WDR33: variants seen among roughly 807,000 people sequenced by gnomAD.
WDR33 encodes the protein WD repeat domain 33, also known as pre-mRNA 3' end processing protein WDR33.
In WDR33, 47 loss-of-function variants were observed where a neutral mutation model predicts 164.9. The ratio of observed to expected loss-of-function variants is 0.29; its 90% CI spans 0.23 to 0.36. The LOEUF is 0.36. WDR33 is among the 10% of genes least tolerant of loss of function. The pLI is 1.00. For synonymous variants in WDR33, 505 were observed against 589.0 expected (o/e 0.86, Z 2.06); for missense variants, 1,137 against 1,754.1 (o/e 0.65, Z 6.28).
intron 1 of WDR33, among the ~76,000 whole-genome samples, chr2:127,784,826 C>T (rs752226754): frequency 1.3e-5 from 2 of 152,158 alleles, no homozygotes; most frequent in Non-Finnish European, 2.9e-5. Flanking sequence ...CAGAGAATTA[C>T]GTATATCATC....
intron 3 of WDR33, 37 bp from the exon 4 acceptor site, chr2:127,768,330 A>G (rs1687885457): frequency 2.3e-6 from 3 of 1,319,162 alleles, no homozygotes; most frequent in South Asian, 1.5e-5. Context: ...AGAGCTCCTG[A>G]TTACATACAA....
rs1685943805 is a variant in WDR33, at chr2:127,703,583, G to C, written c.*2740C>G. 4 of 167,066 alleles carry C rather than the reference G, an allele frequency of 2.4e-5. No individual in the cohort carries two copies. The highest frequency in any genetic ancestry group is 9.7e-5 in the African/African-American group (4 of 41,442). The allele number at this position is 167,066 out of a possible 1,614,324, so 10.3% of individuals were successfully genotyped here. On this transcript the variant is annotated 3_prime_UTR_variant, in exon 22 of 22. Transcript: ENST00000322313. ...GCTACCCGCCCTGAGATTTGGTAAA[G>C]AACACTGCCTTGTTCCCCATCAGTA...
intron 7 of WDR33, among the ~76,000 whole-genome samples, chr2:127,761,619 A>G (rs1431633758): frequency 6.6e-6 from 1 of 152,232 alleles, no homozygotes; most frequent in African/African-American, 2.4e-5. Context: ...TAGTGAGGAA[A>G]GATTCAACAT....
At chr2:127,733,218 T>C (rs1476520095) in intron 7 of WDR33, among the ~76,000 whole-genome samples, 1 of 152,086 alleles carries the variant, frequency 6.6e-6, no homozygotes. Flanking sequence ...AAAAGGAAGA[T>C]AAAATTCCGA....
chr2:127,748,622 C>T (rs1353126242), intron 7 of WDR33, among the ~76,000 whole-genome samples: 2 of 152,120 alleles, frequency 1.3e-5, no homozygotes, highest in Non-Finnish European at 2.9e-5. Flanking sequence ...AATCAAGGAT[C>T]ATTTCAATTG....
intron 7 of WDR33, among the ~76,000 whole-genome samples, chr2:127,758,496 T>C (rs1321332080): frequency 2.6e-5 from 4 of 152,140 alleles, no homozygotes; most frequent in Non-Finnish European, 5.9e-5. Flanking sequence ...CTGGGAAGAT[T>C]AAATAAAGTA....
chr2:127,805,803 CT>C (rs1689416526), intron 1 of WDR33, among the ~76,000 whole-genome samples: 1 of 152,188 alleles, frequency 6.6e-6, no homozygotes, highest in African/African-American at 2.4e-5. Context: ...AAGCTGTGCC[CT>C]GTGCCTGAAG....
intron 7 of WDR33, among the ~76,000 whole-genome samples, chr2:127,758,684 C>T (rs1687589103): frequency 6.6e-6 from 1 of 152,136 alleles, no homozygotes; most frequent in Non-Finnish European, 1.5e-5. Flanking sequence ...TGATGTCTCT[C>T]AGTAAAATTT....
rs1232323669 is a variant in WDR33 at position 127,708,998 on chromosome 2, A to G, written c.3566-106T>C. 4.0e-6 allele frequency: 5 copies of G among 1,238,334 alleles called. No individual in the cohort carries two copies. The African/African-American group carries it at 6.1e-5, about 15-fold the overall frequency. 76.7% of individuals were successfully genotyped at this position (1,238,334 alleles called of 1,614,324 possible). ...GCAACTCGAGAGCCACCGTTCACTC[A>G]TGCTGAATGCCCGCCAGAGGCCAAA... On this transcript the variant is annotated intron_variant, in intron 20 of 21. Coordinates refer to ENST00000322313, the MANE Select transcript of WDR33 (RefSeq NM_018383.5). The surrounding 1 kb of genome is among the most constrained non-coding windows in gnomAD (Gnocchi z 6.7).
rs1687000500 is a variant in WDR33 at position 127,741,061 on chromosome 2, G to A, written c.725-14284C>T. Among the ~76,000 whole-genome samples, 1 of 152,186 alleles carries A rather than the reference G, an allele frequency of 6.6e-6. No individual in the cohort carries two copies. Among genetic ancestry groups the A allele is most frequent in the Non-Finnish European group, 1.5e-5 (1 of 68,010 alleles). On this transcript the variant is annotated intron_variant, in intron 7 of 21. Transcript: ENST00000322313. The surrounding 1 kb of genome is among the most constrained non-coding windows in gnomAD (Gnocchi z 4.1). ...AAGGCTCAGTGACAAAGGCTGTGATGAAGTAATGAGGGTAATTATAGGGAG... is the reference window on the plus strand; with the variant it reads ...AAGGCTCAGTGACAAAGGCTGTGATAAAGTAATGAGGGTAATTATAGGGAG...
intron 7 of WDR33, among the ~76,000 whole-genome samples, chr2:127,753,795 A>G (rs556660166): frequency 6.6e-6 from 1 of 152,360 alleles, no homozygotes; most frequent in South Asian, 2.1e-4. Context: ...AATCAACGAA[A>G]GGTAATTAAG....
chr2:127,781,500 T>C (rs1450330534), intron 1 of WDR33, among the ~76,000 whole-genome samples: 3 of 152,140 alleles, frequency 2.0e-5, no homozygotes, highest in African/African-American at 7.2e-5. Flanking sequence ...GCAGACCATA[T>C]CACTATCAAT....
At chr2:127,779,207 C>A (rs1373966825) in intron 1 of WDR33, among the ~76,000 whole-genome samples, 1 of 151,244 alleles carries the variant, frequency 6.6e-6, no homozygotes, top group Non-Finnish European at 1.5e-5. Flanking sequence ...GTGGCTCATG[C>A]CTGTAATCCT....
At chr2:127,747,593 C>T (rs923542505) in intron 7 of WDR33, among the ~76,000 whole-genome samples, 2 of 152,138 alleles carry the variant, frequency 1.3e-5, no homozygotes, top group African/African-American at 2.4e-5. Flanking sequence ...AAATTCTATA[C>T]GCCAGTGGCA....
In WDR33 at chr2:127,763,296, A is replaced by T; in HGVS notation, c.627-137T>A. 6.8e-7 allele frequency: 1 copy of T among 1,477,424 alleles called. No homozygotes were observed. The highest frequency in any genetic ancestry group is 9.0e-7 in the Non-Finnish European group (1 of 1,114,576). The allele number at this position is 1,477,424 out of a possible 1,614,324, so 91.5% of individuals were successfully genotyped here. ...GAAGAATCCAGTGAAGAAGCCCTTA[A>T]AGTGAATGTCGTCAGCTAACATAGG... On this transcript the variant is annotated intron_variant, in intron 6 of 21. Transcript: ENST00000322313. The surrounding 1 kb of genome is among the most constrained non-coding windows in gnomAD (Gnocchi z 4.5).
chr2:127,721,561 C>T lies in WDR33; in HGVS notation c.1671+275G>A, dbSNP rs369244661. Among the ~76,000 whole-genome samples the T allele has an allele frequency of 6.6e-6, 1 of 152,198 alleles. No individual in the cohort carries two copies. The highest frequency in any genetic ancestry group is 1.9e-4 in the East Asian group (1 of 5,174). On this transcript the variant is annotated intron_variant, in intron 15 of 21. Transcript: ENST00000322313. The surrounding 1 kb of genome is among the most constrained non-coding windows in gnomAD (Gnocchi z 4.9). ...CTGGGAGGCAGAGGTTGTAGCAAGC[C>T]GTGATCGCACCACTGCATTCCAGCC... is the stretch of plus-strand genomic sequence containing the variant.
At chr2:127,750,187 G>T (rs1276622980) in intron 7 of WDR33, among the ~76,000 whole-genome samples, 1 of 152,004 alleles carries the variant, frequency 6.6e-6, no homozygotes, top group Non-Finnish European at 1.5e-5. Flanking sequence ...ACCACACCCA[G>T]TTAACTTTTT....
In WDR33 at chr2:127,704,662, T is replaced by TA. The variant is rs1685969790; in HGVS notation, c.*1660dup. 1 of 167,112 alleles carries TA rather than the reference T, an allele frequency of 6.0e-6. No homozygotes were observed. Among genetic ancestry groups the TA allele is most frequent in the Non-Finnish European group, 1.5e-5 (1 of 68,124 alleles). 10.4% of individuals were successfully genotyped at this position (167,112 alleles called of 1,614,324 possible). A position where few individuals can be genotyped will look rare whatever the true frequency, so the allele number is the denominator to read the frequency against. ...GATTCTAACACTGAAAAGCAGTGTA[T>TA]ATGGCTGACATTTTCTCACTCCACA... On this transcript the variant is annotated 3_prime_UTR_variant, in exon 22 of 22. Coordinates refer to ENST00000322313, the MANE Select transcript of WDR33 (RefSeq NM_018383.5).
chr2:127,750,360 G>C (rs942393096), intron 7 of WDR33, among the ~76,000 whole-genome samples: 28 of 151,532 alleles, frequency 1.8e-4, no homozygotes, highest in Non-Finnish European at 8.8e-5. Flanking sequence ...AAAAATATAA[G>C]GGAAGGCCAG....
Sources: allele counts gnomAD v4.1 joint callset (sites outside exome capture counted in the v4.1 genomes callset), GRCh38; gene constraint gnomAD v4.1.1; non-coding constraint Gnocchi (gnomAD v3.1); transcripts MANE v1.5; gene names NCBI Gene and HGNC (gene_info 2026-07-23, HGNC 2026-07-21).